The following EBF2 variants were observed in gnomAD, a reference collection of about 807,000 sequenced individuals.
EBF2 encodes transcription factor COE2.
EBF2 carries 21 observed loss-of-function variants against 72.8 expected under a neutral mutation model. That is an observed-to-expected ratio of 0.29 (90% CI 0.20 to 0.42). EBF2 has a LOEUF of 0.42. Among genes scored for constraint, EBF2 ranks in the 10% least tolerant of loss-of-function variants. The pLI is 1.00. For synonymous variants in EBF2, 299 were observed against 274.2 expected (o/e 1.09, Z -0.89); for missense variants, 637 against 731.2 (o/e 0.87, Z 1.49).
At chr8:25,889,481 T>C (rs1169424120) in intron 8 of EBF2, among the ~76,000 whole-genome samples, 2 of 152,110 alleles carry the variant, frequency 1.3e-5, no homozygotes, top group Non-Finnish European at 2.9e-5. Context: ...AGGCCTATGT[T>C]TGCCTGAAAT....
chr8:26,018,368 A>T (rs1805147972), intron 6 of EBF2, among the ~76,000 whole-genome samples: 1 of 150,306 alleles, frequency 6.7e-6, no homozygotes, highest in African/African-American at 2.4e-5. Context: ...GTAAGAGAGA[A>T]ACGGCCGGAC....
chr8:25,912,466 G>GCGCA (rs1554569532), intron 6 of EBF2, among the ~76,000 whole-genome samples: 1 of 136,856 alleles, frequency 7.3e-6, no homozygotes, highest in Admixed American at 7.4e-5. Context: ...TCTAAAAATG[G>GCGCA]CACACACACA....
At chr8:25,956,256 T>C (rs557155575) in intron 6 of EBF2, among the ~76,000 whole-genome samples, 2 of 152,134 alleles carry the variant, frequency 1.3e-5, no homozygotes, top group South Asian at 4.2e-4. Context: ...CCGTCTCTAC[T>C]AAAAATACAA....
At chr8:25,884,552 T>C (rs1307905718) in intron 10 of EBF2, among the ~76,000 whole-genome samples, 1 of 152,150 alleles carries the variant, frequency 6.6e-6, no homozygotes, top group Non-Finnish European at 1.5e-5. Flanking sequence ...ATATCACTTA[T>C]TTTCTCTCTT....
intron 6 of EBF2, among the ~76,000 whole-genome samples, chr8:25,923,476 C>T (rs1455149608): frequency 1.3e-5 from 2 of 152,154 alleles, no homozygotes; most frequent in Non-Finnish European, 2.9e-5. Flanking sequence ...CAAAATCATG[C>T]AGAACACACA....
chr8:25,866,469 G>T (rs1802319210), intron 10 of EBF2, among the ~76,000 whole-genome samples: 1 of 135,292 alleles, frequency 7.4e-6, no homozygotes, highest in African/African-American at 2.7e-5. Context: ...TAATATATAG[G>T]ATATATAATA....
chr8:25,927,541 A>T, intron 6 of EBF2, among the ~76,000 whole-genome samples: 1 of 152,078 alleles, frequency 6.6e-6, no homozygotes, highest in Non-Finnish European at 1.5e-5. Context: ...ACTTGAAAAC[A>T]CAAAAGAACG....
chr8:25,957,829 A>T (rs1446905916), intron 6 of EBF2, among the ~76,000 whole-genome samples: 1 of 152,222 alleles, frequency 6.6e-6, no homozygotes, highest in African/African-American at 2.4e-5. Flanking sequence ...TTGCATGACC[A>T]AGGTACAACT....
intron 6 of EBF2, among the ~76,000 whole-genome samples, chr8:25,929,653 C>A (rs924887365): frequency 2.0e-5 from 3 of 152,140 alleles, no homozygotes; most frequent in Admixed American, 6.5e-5. Context: ...CAAATGCTAT[C>A]TCCCTTGTAA....
chr8:25,983,591 T>C (rs1376370576), intron 6 of EBF2, among the ~76,000 whole-genome samples: 2 of 152,174 alleles, frequency 1.3e-5, no homozygotes, highest in Admixed American at 1.3e-4. Context: ...TTCCTAACAC[T>C]ACCCAGGAAG....
intron 6 of EBF2, among the ~76,000 whole-genome samples, chr8:25,987,317 T>C (rs1368430830): frequency 6.6e-6 from 1 of 152,196 alleles, no homozygotes; most frequent in African/African-American, 2.4e-5. Flanking sequence ...GTTGGTACTA[T>C]TATTTCCCGC....
intron 10 of EBF2, among the ~76,000 whole-genome samples, chr8:25,879,904 A>G (rs2117282526): frequency 6.6e-6 from 1 of 152,342 alleles, no homozygotes; most frequent in Non-Finnish European, 1.5e-5. Context: ...AGGGAAAAAA[A>G]GGTGATCTTG....
At chr8:26,043,432 G>A (rs1006605986) in intron 1 of EBF2, among the ~76,000 whole-genome samples, 2 of 152,232 alleles carry the variant, frequency 1.3e-5, no homozygotes, top group Non-Finnish European at 2.9e-5. Flanking sequence ...CGTCTTTAAG[G>A]AGCCCAGCTA....
At chr8:25,885,210 T>TC (rs1802670070) in intron 10 of EBF2, among the ~76,000 whole-genome samples, 1 of 43,070 alleles carries the variant, frequency 2.3e-5, no homozygotes, top group Admixed American at 1.5e-4. Context: ...ACCAGGCTCC[T>TC]TTTTTTTTTA....
chr8:25,858,907 C>A (rs1229519651), intron 13 of EBF2, among the ~76,000 whole-genome samples: 1 of 152,076 alleles, frequency 6.6e-6, no homozygotes, highest in South Asian at 2.1e-4. Flanking sequence ...GATCCACCAG[C>A]CTCAGCCTCT....
intron 6 of EBF2, among the ~76,000 whole-genome samples, chr8:25,960,231 T>A (rs1240441541): frequency 6.6e-6 from 1 of 152,210 alleles, no homozygotes; most frequent in Non-Finnish European, 1.5e-5. Flanking sequence ...TTACTTGAGT[T>A]CCTGAGTGAA....
chr8:25,853,983 G>A (rs1408175726), intron 14 of EBF2, among the ~76,000 whole-genome samples: 1 of 151,984 alleles, frequency 6.6e-6, no homozygotes, highest in African/African-American at 2.4e-5. Flanking sequence ...ACCCTTAAAT[G>A]TATTGCTTTC....
chr8:25,846,350 G>A (rs1331234875), intron 15 of EBF2, among the ~76,000 whole-genome samples: 2 of 152,058 alleles, frequency 1.3e-5, no homozygotes, highest in Non-Finnish European at 1.5e-5. Context: ...GGTAGAAGGT[G>A]GAACCATGCT....
intron 1 of EBF2, among the ~76,000 whole-genome samples, chr8:26,042,642 T>A (rs764448028): frequency 2.6e-5 from 4 of 152,222 alleles, no homozygotes; most frequent in Non-Finnish European, 5.9e-5. Flanking sequence ...CAGGTGGTAC[T>A]GCTGGGTGTA....
Sources: allele counts gnomAD v4.1 joint callset (sites outside exome capture counted in the v4.1 genomes callset), GRCh38; gene constraint gnomAD v4.1.1; transcripts MANE v1.5; gene names NCBI Gene and HGNC (gene_info 2026-07-23, HGNC 2026-07-21).